Variants in ZNF625 observed in about 807,000 individuals in gnomAD.
ZNF625 encodes the protein zinc finger protein 625.
Under a neutral mutation model 11.1 loss-of-function variants are expected in ZNF625, and 8 were observed. That is an observed-to-expected ratio of 0.72 (90% CI 0.42 to 1.30). The LOEUF (loss-of-function observed/expected upper bound fraction) is 1.30, where lower values mean the gene tolerates loss of function less well. Among genes scored for constraint, ZNF625 ranks in the 50% most tolerant of loss-of-function variants. ZNF625 has a pLI of 0.01. For synonymous variants in ZNF625, 145 were observed against 153.4 expected (o/e 0.95, Z 0.41); for missense variants, 349 against 447.6 (o/e 0.78, Z 1.99).
chr19:12,145,595 G>A lies in ZNF625; in HGVS notation c.821C>T (p.Pro274Leu), dbSNP rs1046827824. The change falls in exon 4 of 4, where the codon CCG becomes CTG. Residue 274 changes from proline to leucine, a missense_variant. By Grantham distance (98) the Pro-to-Leu change is moderately conservative. Transcript: ENST00000439556. The part of the protein sequence containing the change: ...AHKITHTGEK[P>L]YECKQCGKAF... ...TTTCCCACACTGTTTACATTCATAC[G>A]GCTTCTCCCCAGTGTGAGTTATTTT... The A allele has an allele frequency of 9.3e-6, 15 of 1,614,014 alleles. No individual in the cohort carries two copies. Among genetic ancestry groups the A allele is most frequent in the East Asian group, 2.2e-5 (1 of 44,894 alleles).
Position 12,147,719 on chromosome 19 carries a change from G to A in ZNF625, c.87C>T (p.Tyr29=). 6.2e-7 allele frequency: 1 copy of A among 1,614,060 alleles called. No individual in the cohort carries two copies. The highest frequency in any genetic ancestry group is 8.5e-7 in the Non-Finnish European group (1 of 1,179,996). Residue 29 remains tyrosine (Y), a synonymous_variant, in exon 2 of 4, where the codon TAC becomes TAT. Transcript: ENST00000439556. ...TGAAGGTTTCCTGCATCACATCTCTGTAGAGATTCTTCTGGGAAGGATCCA... is the reference window on the plus strand; with the variant it reads ...TGAAGGTTTCCTGCATCACATCTCTATAGAGATTCTTCTGGGAAGGATCCA... ...ALLDPSQKNL[Y]RDVMQETFRN...
chr19:12,156,638 A>T lies in ZNF625; in HGVS notation c.-80T>A, dbSNP rs1411062575. ...GTCACAGTGCGGGCGATGGAGCGAC[A>T]GAAGCTATGGCGGAGGCACCTGGTC... is the stretch of plus-strand genomic sequence containing the variant. On this transcript the variant is annotated 5_prime_UTR_variant, in exon 1 of 4. Transcript: ENST00000439556. 1.9e-5 allele frequency: 24 copies of T among 1,231,534 alleles called. No individual in the cohort carries two copies. Among genetic ancestry groups the T allele is most frequent in the Non-Finnish European group, 2.5e-5 (24 of 979,230 alleles). The allele number at this position is 1,231,534 out of a possible 1,614,324, so 76.3% of individuals were successfully genotyped here.
chr19:12,149,476 A>T (rs796723479), intron 1 of ZNF625, among the ~76,000 whole-genome samples: 3 of 152,272 alleles, frequency 2.0e-5, no homozygotes, highest in African/African-American at 7.2e-5. Flanking sequence ...CTATGCTAAC[A>T]GCCAAGGTAG....
chr19:12,149,323 A>G (rs1976922116), intron 1 of ZNF625, among the ~76,000 whole-genome samples: 1 of 151,480 alleles, frequency 6.6e-6, no homozygotes, highest in South Asian at 2.1e-4. Context: ...CAAGAGCTGC[A>G]TCAATCCACC....
At chr19:12,146,944 T>C (rs1270837936) in intron 3 of ZNF625, among the ~76,000 whole-genome samples, 3 of 151,662 alleles carry the variant, frequency 2.0e-5, no homozygotes, top group African/African-American at 7.3e-5. Flanking sequence ...TCAGCCTATG[T>C]CACACTTAAA....
intron 1 of ZNF625, among the ~76,000 whole-genome samples, chr19:12,153,724 A>G (rs1976989384): frequency 6.6e-6 from 1 of 151,386 alleles, no homozygotes; most frequent in Admixed American, 6.6e-5. Context: ...TGGCAGGCAT[A>G]TAGACTGTCA....
intron 3 of ZNF625, among the ~76,000 whole-genome samples, chr19:12,147,074 C>T (rs1976886783): frequency 6.6e-6 from 1 of 151,656 alleles, no homozygotes; most frequent in South Asian, 2.1e-4. Context: ...TCATGCCATT[C>T]TCCTGCCTCA....
In ZNF625 at chr19:12,145,543, T is replaced by C; in HGVS notation, c.873A>G (p.Arg291=). 1.9e-6 allele frequency: 3 copies of C among 1,613,776 alleles called. No individual in the cohort carries two copies. Among genetic ancestry groups the C allele is most frequent in the Non-Finnish European group, 8.5e-7 (1 of 1,179,912 alleles). ...GKAFVSFNSV[R]YHERTHTGEK... ...CTCCAGTGTGAGTTCTTTCATGATA[T>C]CGAACGGAATTGAAAGAAACAAAGG... The change falls in exon 4 of 4, where the codon CGA becomes CGG. Residue 291 remains arginine (R), a synonymous_variant. Transcript: ENST00000439556.
intron 1 of ZNF625, among the ~76,000 whole-genome samples, chr19:12,154,054 G>A (rs749789066): frequency 3.3e-5 from 5 of 152,002 alleles, no homozygotes; most frequent in African/African-American, 4.8e-5. Flanking sequence ...TGATCCACCC[G>A]CCTCAGCCTC....
chr19:12,145,950 C>G lies in ZNF625; in HGVS notation c.466G>C (p.Ala156Pro), dbSNP rs1976864959. ...DLPYFRTHEW[A>P]HTGGKPYDCE... ...TCATAAGGTTTCCCCCCAGTGTGAG[C>G]CCATTCATGTGTTCGAAAGTAGGGG... Residue 156 changes from alanine to proline, a missense_variant, in exon 4 of 4, where the codon GCT becomes CCT. Physicochemically the swap from Ala to Pro is conservative, Grantham distance 27. Coordinates refer to ENST00000439556, the MANE Select transcript of ZNF625 (RefSeq NM_145233.4). 6.2e-7 allele frequency: 1 copy of G among 1,614,062 alleles called. No individual in the cohort carries two copies. The highest frequency in any genetic ancestry group is 2.2e-5 in the East Asian group (1 of 44,892).
chr19:12,156,623 G>T lies in ZNF625; in HGVS notation c.-65C>A. On this transcript the variant is annotated 5_prime_UTR_variant, in exon 1 of 4. Coordinates refer to ENST00000439556, the MANE Select transcript of ZNF625 (RefSeq NM_145233.4). ...CCCTCTAACAGTCCAGTCACAGTGCGGGCGATGGAGCGACAGAAGCTATGG... is the reference window on the plus strand; with the variant it reads ...CCCTCTAACAGTCCAGTCACAGTGCTGGCGATGGAGCGACAGAAGCTATGG... 1 of 1,253,114 alleles carries T rather than the reference G, an allele frequency of 8.0e-7. No individual in the cohort carries two copies. Among genetic ancestry groups the T allele is most frequent in the Non-Finnish European group, 1.0e-6 (1 of 994,088 alleles). 77.6% of individuals were successfully genotyped at this position (1,253,114 alleles called of 1,614,324 possible). A position where few individuals can be genotyped will look rare whatever the true frequency, so the allele number is the denominator to read the frequency against.
chr19:12,149,911 G>T (rs1976931856), intron 1 of ZNF625, among the ~76,000 whole-genome samples: 1 of 152,160 alleles, frequency 6.6e-6, no homozygotes, highest in South Asian at 2.1e-4. Flanking sequence ...GGCTAATTTT[G>T]TATTTTCAGT....
intron 1 of ZNF625, among the ~76,000 whole-genome samples, chr19:12,152,706 G>A (rs956983590): frequency 2.0e-5 from 3 of 151,934 alleles, no homozygotes; most frequent in African/African-American, 7.2e-5. Flanking sequence ...GCTGGGCGTG[G>A]TAGCATGCGC....
At chr19:12,146,567 G>A (rs1306936695) in intron 3 of ZNF625, among the ~76,000 whole-genome samples, 2 of 152,090 alleles carry the variant, frequency 1.3e-5, no homozygotes, top group African/African-American at 4.8e-5. Context: ...CTGATTACCT[G>A]AGGCTACAAG....
intron 1 of ZNF625, among the ~76,000 whole-genome samples, chr19:12,148,551 T>C (rs925483247): frequency 6.6e-6 from 1 of 151,874 alleles, no homozygotes; most frequent in Non-Finnish European, 1.5e-5. Context: ...ATGTGCTCTG[T>C]CCAAAGGATG....
At position 12,145,468 on chromosome 19, in the gene ZNF625, C is replaced by A; in HGVS notation, c.948G>T (p.Ser316=). ...GAGTCCTTCCATGTGTTCGAAGGTG[C>A]GAGGCAGATCTGAAGGCTTTCCCAC... ...KQCGKAFRSA[S]HLRTHGRTHT... Residue 316 remains serine (S), a synonymous_variant, in exon 4 of 4, where the codon TCG becomes TCT. Coordinates refer to ENST00000439556, the MANE Select transcript of ZNF625 (RefSeq NM_145233.4). 1.2e-6 allele frequency: 2 copies of A among 1,612,980 alleles called. No homozygotes were observed. Among genetic ancestry groups the A allele is most frequent in the Non-Finnish European group, 1.7e-6 (2 of 1,179,760 alleles).
In ZNF625 at chr19:12,147,454, T is replaced by C. The variant is rs1401329464; in HGVS notation, c.132A>G (p.Gly44=). Residue 44 remains glycine (G), a splice_region_variant and synonymous_variant, in exon 3 of 4, where the codon GGA becomes GGG. Coordinates refer to ENST00000439556, the MANE Select transcript of ZNF625 (RefSeq NM_145233.4). Reference sequence around the variant, plus strand: ...CAATTTTCTGATCTTTCCATTTTTTTCCTAAAATACAGAACCAGAAAAATA... The same window carrying C: ...CAATTTTCTGATCTTTCCATTTTTTCCCTAAAATACAGAACCAGAAAAATA... ...QETFRNLASV[G]KKWKDQKIED... The C allele has an allele frequency of 3.9e-6, 6 of 1,531,156 alleles. No individual in the cohort carries two copies. Among genetic ancestry groups the C allele is most frequent in the African/African-American group, 1.4e-5 (1 of 72,054 alleles). The allele number at this position is 1,531,156 out of a possible 1,614,324, so 94.8% of individuals were successfully genotyped here. A position where few individuals can be genotyped will look rare whatever the true frequency, so the allele number is the denominator to read the frequency against.
chr19:12,151,734 T>TA (rs949063213), intron 1 of ZNF625, among the ~76,000 whole-genome samples: 5 of 152,006 alleles, frequency 3.3e-5, no homozygotes, highest in African/African-American at 1.2e-4. Context: ...AGGTTGGTCT[T>TA]AAACTCCTAG....
At chr19:12,150,205 C>G (rs1475782319) in intron 1 of ZNF625, among the ~76,000 whole-genome samples, 1 of 152,118 alleles carries the variant, frequency 6.6e-6, no homozygotes, top group Non-Finnish European at 1.5e-5. Flanking sequence ...TCATGGTGGA[C>G]ACACTGATGA....
Sources: allele counts gnomAD v4.1 joint callset (sites outside exome capture counted in the v4.1 genomes callset), GRCh38; gene constraint gnomAD v4.1.1; transcripts MANE v1.5; gene names NCBI Gene and HGNC (gene_info 2026-07-23, HGNC 2026-07-21).